Variants in FSTL5 observed in about 807,000 individuals in gnomAD.
FSTL5 encodes follistatin-related protein 5.
Under a neutral mutation model 89.1 loss-of-function variants are expected in FSTL5, and 62 were observed. The ratio of observed to expected loss-of-function variants is 0.70; its 90% CI spans 0.57 to 0.86. The LOEUF is 0.86. Among genes scored for constraint, FSTL5 ranks in the 40% least tolerant of loss-of-function variants. The pLI, the probability that FSTL5 is intolerant of heterozygous loss-of-function variation, is 0.00. For missense variants in FSTL5, 1,057 were observed against 1,001.6 expected (o/e 1.06, Z -0.75); for synonymous variants, 383 against 346.2 (o/e 1.11, Z -1.18).
At position 161,762,603 on chromosome 4, in the gene FSTL5, A is replaced by G. The variant is rs543417348; in HGVS notation, c.607-3072T>C. Among the ~76,000 whole-genome samples, 7 of 152,276 alleles carry G rather than the reference A, an allele frequency of 4.6e-5. No homozygotes were observed. The South Asian group carries it at 1.0e-3, about 23-fold the overall frequency. ...TATCTCATACCATTTTACCTCTTAT[A>G]AAATGATATAAAAGGTAATAAGTGG... On this transcript the variant is annotated intron_variant, in intron 5 of 15. Coordinates refer to ENST00000306100, the MANE Select transcript of FSTL5 (RefSeq NM_020116.5).
chr4:161,838,474 C>T lies in FSTL5; in HGVS notation c.410-62400G>A, dbSNP rs359122. The stretch of plus-strand genomic sequence containing the variant: ...ATTTTTTTTGTATTTTTAATAGAGA[C>T]GGGATTTCACCGTGTTAGCCAGGAT... On this transcript the variant is annotated intron_variant, in intron 4 of 15. Transcript: ENST00000306100. 2.4e-3 allele frequency among the ~76,000 whole-genome samples: 372 copies of T among 152,042 alleles called. 1 individual carries two copies. The highest frequency in any genetic ancestry group is 8.4e-3 in the African/African-American group (348 of 41,488).
At chr4:161,992,399 G>A (rs961169222) in intron 3 of FSTL5, among the ~76,000 whole-genome samples, 1 of 152,094 alleles carries the variant, frequency 6.6e-6, no homozygotes, top group Non-Finnish European at 1.5e-5. Context: ...AAGATTTCCG[G>A]GAAATGTGAT....
At chr4:162,099,990 A>G (rs1383527439) in intron 2 of FSTL5, among the ~76,000 whole-genome samples, 3 of 152,176 alleles carry the variant, frequency 2.0e-5, no homozygotes, top group African/African-American at 7.2e-5. Context: ...TTATACAGCC[A>G]CTGTAGAATA....
At chr4:161,831,809 C>T (rs77328643) in intron 4 of FSTL5, among the ~76,000 whole-genome samples, 11,695 of 151,450 alleles carry the variant, frequency 0.077, 510 homozygotes, top group African/African-American at 0.12. Context: ...CATATATATA[C>T]ATATATATGC....
chr4:161,724,622 G>A (rs1311699589), intron 6 of FSTL5, among the ~76,000 whole-genome samples: 1 of 152,076 alleles, frequency 6.6e-6, no homozygotes, highest in East Asian at 1.9e-4. Context: ...TAGTTTCTAT[G>A]TCTGAATGCA....
chr4:161,972,158 T>C (rs1380267946), intron 3 of FSTL5, among the ~76,000 whole-genome samples: 2 of 152,080 alleles, frequency 1.3e-5, no homozygotes, highest in African/African-American at 4.8e-5. Context: ...AGTGGTGGGA[T>C]CTGGGCTCAA....
chr4:161,492,920 T>C (rs1446525146), intron 12 of FSTL5, among the ~76,000 whole-genome samples: 3 of 151,992 alleles, frequency 2.0e-5, no homozygotes, highest in African/African-American at 7.2e-5. Context: ...AATACAAACA[T>C]TTAGTAAAAT....
rs375409761 is a variant in FSTL5, at chr4:161,899,883, T to C, written c.409+20521A>G. On this transcript the variant is annotated intron_variant, in intron 4 of 15. Coordinates refer to ENST00000306100, the MANE Select transcript of FSTL5 (RefSeq NM_020116.5). Reference sequence around the variant, plus strand: ...GAGCCCATTACTGGAAAACTGAGGGTGTAGAGTGAACTTAGAAAATCTTAG... The same window carrying C: ...GAGCCCATTACTGGAAAACTGAGGGCGTAGAGTGAACTTAGAAAATCTTAG... Among the ~76,000 whole-genome samples the C allele has an allele frequency of 4.0e-4, 61 of 152,176 alleles. 1 individual carries two copies. In the South Asian group the frequency reaches 0.012, roughly 31 times the overall value.
Position 161,768,752 on chromosome 4 carries a change from C to A in FSTL5, c.606+7126G>T, listed in dbSNP as rs1389894022. ...GAGTGGAAAAACTTTAAATAAACAACCTAATAAAGAATCTTAAAGAACTTA... is the reference window on the plus strand; with the variant it reads ...GAGTGGAAAAACTTTAAATAAACAAACTAATAAAGAATCTTAAAGAACTTA... On this transcript the variant is annotated intron_variant, in intron 5 of 15. Transcript: ENST00000306100. Among the ~76,000 whole-genome samples the A allele has an allele frequency of 4.0e-5, 6 of 150,916 alleles. No homozygotes were observed. In the East Asian group the frequency reaches 9.8e-4, roughly 25 times the overall value.
chr4:162,019,816 C>A (rs1213999023), intron 3 of FSTL5, among the ~76,000 whole-genome samples: 1 of 149,612 alleles, frequency 6.7e-6, no homozygotes, highest in Non-Finnish European at 1.5e-5. Context: ...ATATGGTTTT[C>A]AAAAGATGGA....
chr4:161,910,956 T>G (rs1435097932), intron 4 of FSTL5, among the ~76,000 whole-genome samples: 1 of 152,160 alleles, frequency 6.6e-6, no homozygotes, highest in South Asian at 2.1e-4. Flanking sequence ...ATCTGTCACC[T>G]GATAGCAACT....
At chr4:161,883,976 G>A (rs2126913779) in intron 4 of FSTL5, among the ~76,000 whole-genome samples, 1 of 152,134 alleles carries the variant, frequency 6.6e-6, no homozygotes, top group East Asian at 1.9e-4. Context: ...TTTTTTTTCT[G>A]TGAAGTTATG....
intron 4 of FSTL5, among the ~76,000 whole-genome samples, chr4:161,804,435 A>G (rs1446011882): frequency 6.6e-6 from 1 of 151,936 alleles, no homozygotes; most frequent in Non-Finnish European, 1.5e-5. Context: ...ATTCCATTTT[A>G]CTTTCAAATT....
At position 161,386,281 on chromosome 4, in the gene FSTL5, G is replaced by A. The variant is rs376636535; in HGVS notation, c.2010C>T (p.Thr670=). The change falls in exon 16 of 16, where the codon ACC becomes ACT. Residue 670 remains threonine, a synonymous_variant. Transcript: ENST00000306100. ...CCATGACCTGTGGGGAAACTGCTCC[G>A]GTGCTGTCAGGTTTGCAGCCAATGA... ...YYFIGCKPDS[T]GAVSPQVMVD... The A allele has an allele frequency of 3.5e-4, 569 of 1,613,902 alleles. No homozygotes were observed. The highest frequency in any genetic ancestry group is 4.4e-4 in the Non-Finnish European group (517 of 1,179,950).
chr4:161,858,149 A>G lies in FSTL5; in HGVS notation c.409+62255T>C, dbSNP rs553922505. On this transcript the variant is annotated intron_variant, in intron 4 of 15. Coordinates refer to ENST00000306100, the MANE Select transcript of FSTL5 (RefSeq NM_020116.5). ...TATATTAATAAAAGAGGCCTCAGAG[A>G]GATCCCTATCCCCTTCCACCACGTG... 5.9e-5 allele frequency among the ~76,000 whole-genome samples: 9 copies of G among 152,292 alleles called. No individual in the cohort carries two copies. In the South Asian group the frequency reaches 1.9e-3, roughly 32 times the overall value.
intron 4 of FSTL5, among the ~76,000 whole-genome samples, chr4:161,782,041 A>G (rs1294816850): frequency 2.0e-5 from 3 of 152,102 alleles, no homozygotes; most frequent in Non-Finnish European, 4.4e-5. Context: ...ATATGAATGT[A>G]TGTTTCCAGC....
At chr4:162,108,710 T>A (rs1394262689) in intron 2 of FSTL5, among the ~76,000 whole-genome samples, 3 of 151,684 alleles carry the variant, frequency 2.0e-5, no homozygotes, top group Non-Finnish European at 4.4e-5. Flanking sequence ...AAATTTGAAG[T>A]ATTGTGCTGC....
intron 12 of FSTL5, among the ~76,000 whole-genome samples, chr4:161,482,402 T>TG (rs1729543684): frequency 6.6e-6 from 1 of 152,170 alleles, no homozygotes; most frequent in Non-Finnish European, 1.5e-5. Flanking sequence ...CATTTGATTT[T>TG]TTGTCTGACA....
intron 4 of FSTL5, among the ~76,000 whole-genome samples, chr4:161,830,183 A>G (rs540444410): frequency 6.6e-6 from 1 of 152,048 alleles, no homozygotes; most frequent in African/African-American, 2.4e-5. Flanking sequence ...ATACAAAACA[A>G]TTGGTCCATC....
Sources: allele counts gnomAD v4.1 joint callset (sites outside exome capture counted in the v4.1 genomes callset), GRCh38; gene constraint gnomAD v4.1.1; transcripts MANE v1.5; gene names NCBI Gene and HGNC (gene_info 2026-07-23, HGNC 2026-07-21).